The following AFG1L variants were observed in gnomAD, a reference collection of about 807,000 sequenced individuals.
AFG1L encodes the protein AFG1 like ATPase.
Under a neutral mutation model 62.2 loss-of-function variants are expected in AFG1L, and 53 were observed. The observed-to-expected ratio is 0.85, with a 90% CI of 0.68 to 1.07. The LOEUF is 1.07. Among genes scored for constraint, AFG1L ranks in the 50% least tolerant of loss-of-function variants. The pLI, the probability that AFG1L is intolerant of heterozygous loss-of-function variation, is 0.00. For missense variants in AFG1L, 555 were observed against 590.5 expected (o/e 0.94, Z 0.62); for synonymous variants, 228 against 210.3 (o/e 1.08, Z -0.73).
chr6:108,347,332 TA>T (rs1778903496), intron 3 of AFG1L, among the ~76,000 whole-genome samples: 1 of 152,220 alleles, frequency 6.6e-6, no homozygotes, highest in African/African-American at 2.4e-5. Context: ...ACAGATAGGT[TA>T]TTAGACAAAT....
intron 7 of AFG1L, among the ~76,000 whole-genome samples, chr6:108,446,138 C>A (rs1004469854): frequency 6.6e-6 from 1 of 150,962 alleles, no homozygotes; most frequent in Non-Finnish European, 1.5e-5. Context: ...CCCCAAAATC[C>A]AACTGACCAA....
In AFG1L at chr6:108,525,907, G is replaced by A. The variant is rs999371443; in HGVS notation, c.*3482G>A. 2 of 152,136 alleles carry A rather than the reference G, an allele frequency of 1.3e-5. No homozygotes were observed. Among genetic ancestry groups the A allele is most frequent in the African/African-American group, 2.4e-5 (1 of 41,424 alleles). The allele number at this position is 152,136 out of a possible 1,614,324, so 9.4% of individuals were successfully genotyped here. A position where few individuals can be genotyped will look rare whatever the true frequency, so the allele number is the denominator to read the frequency against. ...AAACATGCAGAAGGATTGGGCGCCT[G>A]GGTCCCTGACATTTGGGTTCTTGAT... On this transcript the variant is annotated 3_prime_UTR_variant, in exon 13 of 13. Coordinates refer to ENST00000368977, the MANE Select transcript of AFG1L (RefSeq NM_145315.5).
chr6:108,375,057 T>G (rs1780185851), intron 6 of AFG1L, among the ~76,000 whole-genome samples: 1 of 152,180 alleles, frequency 6.6e-6, no homozygotes, highest in African/African-American at 2.4e-5. Flanking sequence ...CTTGGTTAGA[T>G]GTATTCGTAG....
intron 3 of AFG1L, among the ~76,000 whole-genome samples, chr6:108,351,827 C>G (rs2114440882): frequency 6.7e-6 from 1 of 150,106 alleles, no homozygotes; most frequent in East Asian, 2.0e-4. Context: ...TTACCACCAT[C>G]CATTTTCAGA....
intron 10 of AFG1L, among the ~76,000 whole-genome samples, chr6:108,490,363 G>GCAAA (rs376565856): frequency 1.3e-5 from 2 of 152,050 alleles, no homozygotes; most frequent in Admixed American, 6.6e-5. Flanking sequence ...CGTCTCAAAA[G>GCAAA]CAAACAAACA....
intron 7 of AFG1L, among the ~76,000 whole-genome samples, chr6:108,441,712 A>AATATATATATATAT (rs1554198358): frequency 1.6e-4 from 22 of 139,494 alleles, no homozygotes; most frequent in African/African-American, 2.5e-4. Context: ...AAAAAAAAAA[A>AATATATATATATAT]ATATATATAT....
chr6:108,305,999 G>A (rs1033513449), intron 1 of AFG1L, among the ~76,000 whole-genome samples: 5 of 152,160 alleles, frequency 3.3e-5, no homozygotes, highest in Admixed American at 2.6e-4. Flanking sequence ...TACCTCCCGG[G>A]TTCAAGTGAT....
chr6:108,419,222 T>C (rs931625274), intron 7 of AFG1L, among the ~76,000 whole-genome samples: 5 of 152,192 alleles, frequency 3.3e-5, no homozygotes, highest in Non-Finnish European at 7.4e-5. Context: ...CCAGGGGAAA[T>C]GTTCCTGTGC....
At chr6:108,485,376 C>T (rs1773496965) in intron 10 of AFG1L, among the ~76,000 whole-genome samples, 1 of 151,592 alleles carries the variant, frequency 6.6e-6, no homozygotes, top group African/African-American at 2.4e-5. Context: ...CCCAAGGATT[C>T]CCAGAGGGTC....
chr6:108,426,519 T>C (rs1470829307), intron 7 of AFG1L, among the ~76,000 whole-genome samples: 2 of 152,138 alleles, frequency 1.3e-5, no homozygotes, highest in Non-Finnish European at 2.9e-5. Flanking sequence ...TTTCTTTTCT[T>C]TTTCTCCCTA....
chr6:108,297,175 C>T (rs369711210), intron 1 of AFG1L, among the ~76,000 whole-genome samples: 2 of 152,190 alleles, frequency 1.3e-5, no homozygotes, highest in South Asian at 2.1e-4. Flanking sequence ...GGTACAATCT[C>T]GGCTCACTGC....
intron 8 of AFG1L, among the ~76,000 whole-genome samples, chr6:108,475,893 T>G (rs1773085987): frequency 6.6e-6 from 1 of 152,226 alleles, no homozygotes; most frequent in Admixed American, 6.5e-5. Context: ...GTCACACTAA[T>G]TTTCAATAAG....
chr6:108,330,036 A>G (rs978825120), intron 2 of AFG1L, among the ~76,000 whole-genome samples: 1 of 152,102 alleles, frequency 6.6e-6, no homozygotes, highest in Non-Finnish European at 1.5e-5. Flanking sequence ...TTGAGCTAGC[A>G]TGCTCAGCCC....
chr6:108,518,081 G>T lies in AFG1L; in HGVS notation c.1204-1616G>T, dbSNP rs182768971. Among the ~76,000 whole-genome samples the T allele has an allele frequency of 6.3e-3, 959 of 152,318 alleles. 18 individuals are homozygous for T. The highest frequency in any genetic ancestry group is 0.022 in the African/African-American group (900 of 41,558). ...GACTGTAAACTAGTTCAACCATTGT[G>T]GAAGTCAGTGTGGCAATTCCTCAGG... is the stretch of plus-strand genomic sequence containing the variant. On this transcript the variant is annotated intron_variant, in intron 11 of 12. Transcript: ENST00000368977.
chr6:108,332,166 G>A (rs1241064264), intron 2 of AFG1L, among the ~76,000 whole-genome samples: 1 of 152,158 alleles, frequency 6.6e-6, no homozygotes, highest in Non-Finnish European at 1.5e-5. Context: ...GCTGGATTTA[G>A]CCCATGGCCA....
At chr6:108,343,107 C>T (rs1270762299) in intron 2 of AFG1L, among the ~76,000 whole-genome samples, 1 of 151,592 alleles carries the variant, frequency 6.6e-6, no homozygotes, top group African/African-American at 2.4e-5. Context: ...CTCTGTTGCC[C>T]AGGCTGGAGT....
chr6:108,500,171 CGTGTGTGTGTGTGTGTGTGTGT>C (rs61654685), intron 10 of AFG1L, among the ~76,000 whole-genome samples: 4 of 135,070 alleles, frequency 3.0e-5, no homozygotes, highest in East Asian at 4.3e-4. Flanking sequence ...ATGGTGCGTG[CGTGTGTGTGTGTGTGTGTGTGT>C]GTGTGTGTGT....
chr6:108,304,573 T>TA (rs1777134915), intron 1 of AFG1L, among the ~76,000 whole-genome samples: 1 of 152,252 alleles, frequency 6.6e-6, no homozygotes, highest in African/African-American at 2.4e-5. Flanking sequence ...AAATATGCAT[T>TA]AAAAATCTCA....
chr6:108,417,889 AGT>A (rs1373014001), intron 7 of AFG1L, among the ~76,000 whole-genome samples: 2 of 152,110 alleles, frequency 1.3e-5, no homozygotes, highest in Non-Finnish European at 2.9e-5. Context: ...GCTGGAGTGC[AGT>A]GGTGCAATCT....
Sources: allele counts gnomAD v4.1 joint callset (sites outside exome capture counted in the v4.1 genomes callset), GRCh38; gene constraint gnomAD v4.1.1; transcripts MANE v1.5; gene names NCBI Gene and HGNC (gene_info 2026-07-23, HGNC 2026-07-21).